The following TTC3 variants were observed in gnomAD, a reference collection of about 807,000 sequenced individuals.
TTC3 encodes the protein E3 ubiquitin-protein ligase TTC3.
Under a neutral mutation model 249.6 loss-of-function variants are expected in TTC3, and 180 were observed. The observed-to-expected ratio is 0.72, with a 90% CI of 0.64 to 0.82. The LOEUF (loss-of-function observed/expected upper bound fraction) is 0.82, where lower values mean the gene tolerates loss of function less well. Among genes scored for constraint, TTC3 ranks in the 40% least tolerant of loss-of-function variants. TTC3 has a pLI of 0.00. For synonymous variants in TTC3, 717 were observed against 805.0 expected, an observed-to-expected ratio of 0.89 and a Z score of 1.85; for missense variants, 2,061 against 2,398.4, an observed-to-expected ratio of 0.86 and a Z score of 2.94.
At chr21:37,189,992 T>G (rs2083827227) in intron 39 of TTC3, among the ~76,000 whole-genome samples, 1 of 152,196 alleles carries the variant, frequency 6.6e-6, no homozygotes, top group Admixed American at 6.5e-5. Context: ...CCATGTTCTA[T>G]ACACAGATTT....
At chr21:37,198,797 G>A (rs181512608) in intron 44 of TTC3, among the ~76,000 whole-genome samples, 5 of 152,186 alleles carry the variant, frequency 3.3e-5, no homozygotes, top group African/African-American at 9.6e-5. Flanking sequence ...AACTGAATAC[G>A]CTAGTCACAC....
chr21:37,094,048 G>T, exon 8 of TTC3: 1 of 1,608,658 alleles, frequency 6.2e-7, no homozygotes, highest in Non-Finnish European at 8.5e-7. Context: ...ACTGCAATTT[G>T]CTTGAAGAAC....
intron 11 of TTC3, among the ~76,000 whole-genome samples, chr21:37,115,359 G>C (rs2076052980): frequency 6.6e-6 from 1 of 152,092 alleles, no homozygotes; most frequent in Non-Finnish European, 1.5e-5. Context: ...CAGATTGGCA[G>C]AAATTAAAGA....
At chr21:37,153,846 T>C (rs2148020224) in intron 27 of TTC3, among the ~76,000 whole-genome samples, 1 of 152,260 alleles carries the variant, frequency 6.6e-6, no homozygotes, top group East Asian at 1.9e-4. Context: ...TGGATGAGAC[T>C]AATTGCTCAG....
chr21:37,141,922 C>A (rs924269678), intron 20 of TTC3, among the ~76,000 whole-genome samples: 4 of 152,212 alleles, frequency 2.6e-5, no homozygotes, highest in African/African-American at 9.7e-5. Context: ...TGGGCTTCAT[C>A]CCTGGGATGC....
chr21:37,098,045 C>G, intron 10 of TTC3: 1 of 659,566 alleles, frequency 1.5e-6, no homozygotes, highest in Non-Finnish European at 2.8e-6. Context: ...ATGGCTTAAG[C>G]CGTGGATAAA....
exon 37 of TTC3, chr21:37,185,722 G>A (rs1054196454): frequency 1.3e-6 from 2 of 1,550,806 alleles, no homozygotes; most frequent in African/African-American, 1.4e-5. Flanking sequence ...CCAGAAAAAT[G>A]ATGGAAAGGA....
chr21:37,121,954 A>G (rs143017814), exon 12 of TTC3: 36 of 1,611,280 alleles, frequency 2.2e-5, no homozygotes, highest in Non-Finnish European at 3.0e-5. Context: ...ATGTAAAGTT[A>G]CAAAAACAAA....
chr21:37,096,723 A>G, intron 10 of TTC3, 80 bp downstream of exon 10: 1 of 1,052,534 alleles, frequency 9.5e-7, no homozygotes, highest in Non-Finnish European at 1.4e-6. Context: ...TTTTTCAGGT[A>G]TACAAGAAAA....
exon 9 of TTC3, chr21:37,095,430 A>C (rs778167082): frequency 1.3e-6 from 2 of 1,597,056 alleles, no homozygotes; most frequent in African/African-American, 1.3e-5. Context: ...ATTACACCAG[A>C]GCCATTGAAT....
exon 37 of TTC3, chr21:37,185,764 C>A: frequency 1.3e-6 from 2 of 1,539,562 alleles, no homozygotes; most frequent in Non-Finnish European, 1.7e-6. Flanking sequence ...GGATCAGTCC[C>A]TTGAAATCAG....
chr21:37,195,305 TG>T (rs1411232956), intron 41 of TTC3, among the ~76,000 whole-genome samples: 2 of 152,076 alleles, frequency 1.3e-5, no homozygotes, highest in African/African-American at 4.8e-5. Context: ...GAGACAGCTC[TG>T]GGGAGTGTGG....
Position 37,197,517 on chromosome 21 carries a change from T to C in TTC3, c.5580-53T>C, listed in dbSNP as rs151302793. On this transcript the variant is annotated intron_variant, in intron 42 of 45. Transcript: ENST00000355666. ...TGGATTAATATTGGCATGTAATATT[T>C]CTTAGCAGTAGAGAACTTTCTGTTG... 703 of 1,609,150 alleles carry C rather than the reference T, an allele frequency of 4.4e-4. 3 individuals are homozygous for C. In the African/African-American group the frequency reaches 8.1e-3, roughly 19 times the overall value.
intron 35 of TTC3, among the ~76,000 whole-genome samples, chr21:37,180,094 G>A (rs531776058): frequency 7.2e-5 from 11 of 152,290 alleles, no homozygotes; most frequent in Admixed American, 2.0e-4. Context: ...CTTGTGGGGC[G>A]TTTCTGCAGC....
chr21:37,163,442 T>C (rs545816465), intron 31 of TTC3, among the ~76,000 whole-genome samples: 54 of 152,296 alleles, frequency 3.5e-4, no homozygotes, highest in African/African-American at 1.2e-3. Flanking sequence ...CCTCCACTTC[T>C]TGGGTTCAAG....
intron 9 of TTC3, 135 bp from the exon 10 acceptor site, chr21:37,096,446 G>A (rs1260047414): frequency 3.4e-6 from 2 of 594,306 alleles, no homozygotes; most frequent in African/African-American, 1.9e-5. Context: ...AAGACTCCAG[G>A]TCCTATATTC....
chr21:37,165,900 C>G (rs770514233), exon 33 of TTC3: 2 of 1,614,078 alleles, frequency 1.2e-6, no homozygotes, highest in Non-Finnish European at 1.7e-6. Flanking sequence ...TCATCTTCAG[C>G]ACCAGCTTTT....
chr21:37,201,602 A>T (rs768275642), exon 46 of TTC3: 4 of 1,597,488 alleles, frequency 2.5e-6, no homozygotes, highest in Non-Finnish European at 3.4e-6. Flanking sequence ...GTCATCCACC[A>T]GTGTGTTGAA....
intron 9 of TTC3, among the ~76,000 whole-genome samples, chr21:37,096,301 TG>T (rs2073937253): frequency 6.6e-6 from 1 of 152,248 alleles, no homozygotes; most frequent in African/African-American, 2.4e-5. Flanking sequence ...CTCTTTAATA[TG>T]TCTCGTTTGA....
Sources: gnomAD v4.1 joint callset for allele counts (sites outside exome capture counted in the v4.1 genomes callset) on GRCh38, gnomAD v4.1.1 for gene constraint, MANE v1.5 for transcripts, NCBI Gene and HGNC (gene_info 2026-07-23, HGNC 2026-07-21) for gene names.